Variants in LIN7A observed in about 807,000 individuals in gnomAD.
LIN7A encodes lin-7 cell polarity scaffold A, also known as protein lin-7 homolog A.
A neutral mutation model predicts 29.8 loss-of-function variants in LIN7A; 25 were observed. The observed-to-expected ratio is 0.84, with a 90% CI of 0.61 to 1.17. LIN7A has a LOEUF of 1.17. LIN7A is among the 50% of genes most tolerant of loss of function. The pLI is 0.00. For synonymous variants in LIN7A, 118 were observed against 107.5 expected (o/e 1.10, Z -0.60); for missense variants, 239 against 287.0 (o/e 0.83, Z 1.21).
intron 2 of LIN7A, among the ~76,000 whole-genome samples, chr12:80,870,066 G>A (rs1054318895): frequency 6.6e-6 from 1 of 152,142 alleles, no homozygotes; most frequent in African/African-American, 2.4e-5. Flanking sequence ...CAGTTGCAAG[G>A]CTCTGGAAAC....
chr12:80,934,710 G>C (rs1240824297), intron 1 of LIN7A, among the ~76,000 whole-genome samples: 1 of 152,166 alleles, frequency 6.6e-6, no homozygotes, highest in African/African-American at 2.4e-5. Flanking sequence ...CTAAATAGTA[G>C]AGCAACTTGA....
intron 4 of LIN7A, among the ~76,000 whole-genome samples, chr12:80,814,964 C>T (rs1447388224): frequency 6.6e-6 from 1 of 152,174 alleles, no homozygotes; most frequent in African/African-American, 2.4e-5. Flanking sequence ...GCTTTACTAA[C>T]ATCCTACAAA....
intron 4 of LIN7A, among the ~76,000 whole-genome samples, chr12:80,826,380 T>A (rs1449221257): frequency 6.6e-6 from 1 of 152,154 alleles, no homozygotes; most frequent in African/African-American, 2.4e-5. Context: ...TCAATCTACA[T>A]CCAATTAACC....
At chr12:80,866,335 T>G (rs1323119981) in intron 2 of LIN7A, among the ~76,000 whole-genome samples, 1 of 152,226 alleles carries the variant, frequency 6.6e-6, no homozygotes, top group Non-Finnish European at 1.5e-5. Context: ...AGTAATTGAC[T>G]TGGAGTTCCT....
intron 1 of LIN7A, among the ~76,000 whole-genome samples, chr12:80,898,573 A>G (rs1032998646): frequency 6.6e-6 from 1 of 152,070 alleles, no homozygotes; most frequent in African/African-American, 2.4e-5. Flanking sequence ...GGCTTTGGGC[A>G]GTATGTCCAT....
intron 5 of LIN7A, among the ~76,000 whole-genome samples, chr12:80,807,348 G>T (rs756969015): frequency 1.3e-5 from 2 of 152,096 alleles, no homozygotes; most frequent in Non-Finnish European, 2.9e-5. Flanking sequence ...GGGATTACAG[G>T]CATGAGCCAC....
intron 2 of LIN7A, among the ~76,000 whole-genome samples, chr12:80,883,392 T>C (rs1875167587): frequency 6.6e-6 from 1 of 152,180 alleles, no homozygotes; most frequent in African/African-American, 2.4e-5. Context: ...GAACAAAAAC[T>C]TGTGTCGTAA....
At chr12:80,914,037 C>T (rs1876906261) in intron 1 of LIN7A, among the ~76,000 whole-genome samples, 2 of 152,148 alleles carry the variant, frequency 1.3e-5, no homozygotes, top group African/African-American at 4.8e-5. Flanking sequence ...CTTCATGGAC[C>T]AACATGTTTC....
intron 2 of LIN7A, among the ~76,000 whole-genome samples, chr12:80,882,527 G>T (rs1042494135): frequency 6.6e-6 from 1 of 150,966 alleles, no homozygotes; most frequent in East Asian, 1.9e-4. Flanking sequence ...CTCGTGATCC[G>T]CCCGCCTCGG....
chr12:80,929,590 A>G (rs1877779441), intron 1 of LIN7A, among the ~76,000 whole-genome samples: 2 of 152,180 alleles, frequency 1.3e-5, no homozygotes. Flanking sequence ...TTGTGGGGTC[A>G]TGAATATATA....
chr12:80,894,949 A>C (rs1875809374), intron 1 of LIN7A, among the ~76,000 whole-genome samples: 1 of 152,214 alleles, frequency 6.6e-6, no homozygotes, highest in Non-Finnish European at 1.5e-5. Context: ...ACAAATGGAG[A>C]GGCCAGAATC....
intron 2 of LIN7A, among the ~76,000 whole-genome samples, chr12:80,876,052 TACACACACACAC>T (rs67035673): frequency 6.8e-6 from 1 of 148,118 alleles, no homozygotes; most frequent in African/African-American, 2.5e-5. Flanking sequence ...ATTATTTTTA[TACACACACACAC>T]ACACACACAC....
At chr12:80,810,143 C>A (rs1455616923) in intron 5 of LIN7A, among the ~76,000 whole-genome samples, 2 of 152,106 alleles carry the variant, frequency 1.3e-5, no homozygotes, top group East Asian at 1.9e-4. Context: ...AACTTGTAAC[C>A]TTTAGCTAAG....
chr12:80,873,173 A>G (rs753404093), intron 2 of LIN7A, among the ~76,000 whole-genome samples: 37 of 152,124 alleles, frequency 2.4e-4, no homozygotes, highest in Non-Finnish European at 5.0e-4. Context: ...AGTGAAAGAA[A>G]AATAACCTAA....
chr12:80,810,393 CTGTG>C (rs71094992), intron 5 of LIN7A, among the ~76,000 whole-genome samples: 50,094 of 146,618 alleles, frequency 0.34, 8,629 homozygotes, highest in Non-Finnish European at 0.4. Flanking sequence ...TGGTATACAT[CTGTG>C]TGTGTGTGTG....
chr12:80,888,369 A>G (rs1050556753), intron 2 of LIN7A, among the ~76,000 whole-genome samples: 1 of 152,164 alleles, frequency 6.6e-6, no homozygotes, highest in Non-Finnish European at 1.5e-5. Context: ...GCAAAAGAAT[A>G]TACATTAGCC....
chr12:80,820,364 T>G (rs1871739502), intron 4 of LIN7A, among the ~76,000 whole-genome samples: 2 of 152,236 alleles, frequency 1.3e-5, no homozygotes, highest in South Asian at 4.1e-4. Flanking sequence ...AAGTGGAGAA[T>G]GCAGAGCATT....
At chr12:80,871,442 A>C (rs1200371597) in intron 2 of LIN7A, among the ~76,000 whole-genome samples, 2 of 152,154 alleles carry the variant, frequency 1.3e-5, no homozygotes, top group Non-Finnish European at 2.9e-5. Context: ...TTATATTGCA[A>C]CTGCTTTTAA....
chr12:80,863,061 A>T lies in LIN7A; in HGVS notation c.202-14739T>A, dbSNP rs527772236. Among the ~76,000 whole-genome samples the T allele has an allele frequency of 7.9e-5, 12 of 152,340 alleles. No individual in the cohort carries two copies. The South Asian group carries it at 2.5e-3, about 32-fold the overall frequency. On this transcript the variant is annotated intron_variant, in intron 2 of 5. Transcript: ENST00000552864. ...GGCTCTGTATAATTAATTTCACAAG[A>T]TGGATGTCAAGACTATAAAACAATC...
Sources: allele counts gnomAD v4.1 joint callset (sites outside exome capture counted in the v4.1 genomes callset), GRCh38; gene constraint gnomAD v4.1.1; transcripts MANE v1.5; gene names NCBI Gene and HGNC (gene_info 2026-07-23, HGNC 2026-07-21).